Variants in AFAP1L1 observed in about 807,000 individuals in gnomAD.
AFAP1L1 encodes actin filament-associated protein 1-like 1.
In AFAP1L1, 77 loss-of-function variants were observed where a neutral mutation model predicts 99.8. The ratio of observed to expected loss-of-function variants is 0.77; its 90% CI spans 0.64 to 0.93. AFAP1L1 has a LOEUF of 0.93. Among genes scored for constraint, AFAP1L1 ranks in the 40% least tolerant of loss-of-function variants. The pLI, the probability that AFAP1L1 is intolerant of heterozygous loss-of-function variation, is 0.00. For synonymous variants in AFAP1L1, 373 were observed against 395.3 expected (o/e 0.94, Z 0.67); for missense variants, 893 against 996.8 (o/e 0.90, Z 1.40).
In AFAP1L1 at chr5:149,302,538, T is replaced by A; in HGVS notation, c.436+12T>A. On this transcript the variant is annotated intron_variant, in intron 5 of 18. Transcript: ENST00000296721. ...CATCAGCTCCCACAGTAAGTTCTGG[T>A]CCTCTTGGTGGGGCTGGGGACTTCC... 1 of 1,564,586 alleles carries A rather than the reference T, an allele frequency of 6.4e-7. No homozygotes were observed. Among genetic ancestry groups the A allele is most frequent in the Non-Finnish European group, 8.7e-7 (1 of 1,153,384 alleles).
intron 11 of AFAP1L1, 46 bp downstream of exon 11, chr5:149,316,349 G>A (rs779750879): frequency 1.1e-5 from 17 of 1,588,542 alleles, no homozygotes; most frequent in Middle Eastern, 1.9e-4. Context: ...TCCTGTGTGC[G>A]CGGGCTTTGG....
chr5:149,296,234 A>G (rs1756012606), intron 1 of AFAP1L1, among the ~76,000 whole-genome samples: 2 of 152,206 alleles, frequency 1.3e-5, no homozygotes, highest in Non-Finnish European at 2.9e-5. Flanking sequence ...GGATTTCGCC[A>G]TGTTGCCCAG....
chr5:149,324,149 CTG>C lies in AFAP1L1; in HGVS notation c.1810+1433_1810+1434del, dbSNP rs1757029683. Among the ~76,000 whole-genome samples, 3 of 152,232 alleles carry C rather than the reference CTG, an allele frequency of 2.0e-5. No homozygotes were observed. In the South Asian group the frequency reaches 6.2e-4, roughly 32 times the overall value. On this transcript the variant is annotated intron_variant, in intron 15 of 18. Coordinates refer to ENST00000296721, the MANE Select transcript of AFAP1L1 (RefSeq NM_152406.4). ...CAAGGTTGTTTTTTAGATGAAGAAA[CTG>C]AAGAAAATAAAAGGGAAGATATCTT...
intron 1 of AFAP1L1, among the ~76,000 whole-genome samples, chr5:149,294,439 C>A (rs1293799814): frequency 6.6e-6 from 1 of 152,178 alleles, no homozygotes; most frequent in Admixed American, 6.5e-5. Context: ...TGTCATCAGA[C>A]TTCTGTATTC....
At chr5:149,334,049 A>C (rs1164775273) in intron 17 of AFAP1L1, among the ~76,000 whole-genome samples, 1 of 152,258 alleles carries the variant, frequency 6.6e-6, no homozygotes, top group Non-Finnish European at 1.5e-5. Flanking sequence ...TAGTAGGAGT[A>C]TAAGAAATAT....
intron 1 of AFAP1L1, among the ~76,000 whole-genome samples, chr5:149,274,505 CTG>C (rs1561655945): frequency 1.3e-5 from 2 of 152,200 alleles, no homozygotes; most frequent in Non-Finnish European, 2.9e-5. Flanking sequence ...GTTCTCTACT[CTG>C]ATAAATAATT....
At chr5:149,300,174 G>C (rs1756151513) in intron 2 of AFAP1L1, 97 bp from the exon 3 acceptor site, 2 of 777,558 alleles carry the variant, frequency 2.6e-6, no homozygotes, top group East Asian at 5.6e-5. Context: ...TTTGCAAAGT[G>C]AGCACTGTGT....
chr5:149,309,000 A>C (rs1413965962), intron 7 of AFAP1L1, among the ~76,000 whole-genome samples: 6 of 151,888 alleles, frequency 4.0e-5, no homozygotes, highest in Admixed American at 3.9e-4. Context: ...AGTCCCAGCT[A>C]CTTAGGAGTC....
Position 149,335,620 on chromosome 5 carries a change from C to T in AFAP1L1, c.2181C>T (p.Ser727=), listed in dbSNP as rs751946613. Residue 727 remains serine, a synonymous_variant, in exon 18 of 19, where the codon AGC becomes AGT. Transcript: ENST00000296721. Reference sequence around the variant, plus strand: ...AAACTGCAAATAAACCCCAGAACAGCGTTCCAGAGCAACCTCTCCCTGTCA... The same window carrying T: ...AAACTGCAAATAAACCCCAGAACAGTGTTCCAGAGCAACCTCTCCCTGTCA... ...SGETANKPQN[S]VPEQPLPVNC... 2.6e-5 allele frequency: 42 copies of T among 1,612,586 alleles called. No individual in the cohort carries two copies. The highest frequency in any genetic ancestry group is 5.5e-5 in the South Asian group (5 of 91,010).
rs1189209531 is a variant in AFAP1L1, at chr5:149,302,470, A to G, written c.380A>G (p.Tyr127Cys). ...LPNKPPPEDY[Y>C]EEALPLGPGK... ...AACAAGCCTCCCCCTGAGGACTACT[A>G]TGAAGAGGCCCTTCCTCTGGGACCC... Residue 127 changes from tyrosine to cysteine, a missense_variant, in exon 5 of 19, where the codon TAT (tyrosine) becomes TGT (cysteine). Transcript: ENST00000296721. The G allele has an allele frequency of 6.3e-6, 10 of 1,597,432 alleles. No homozygotes were observed. Among genetic ancestry groups the G allele is most frequent in the East Asian group, 2.3e-5 (1 of 44,374 alleles).
chr5:149,334,204 C>T (rs145517827), intron 17 of AFAP1L1, among the ~76,000 whole-genome samples: 3 of 152,304 alleles, frequency 2.0e-5, no homozygotes, highest in African/African-American at 4.8e-5. Flanking sequence ...CCTGGTCACA[C>T]CACACCTGAT....
chr5:149,299,546 C>T lies in AFAP1L1; in HGVS notation c.54C>T (p.Leu18=), dbSNP rs1756121682. ...EQLLPELTGL[L]SLLDHEYLSD... The stretch of plus-strand genomic sequence containing the variant: ...TGCTCCCAGAGCTCACCGGGCTGCT[C>T]AGCCTCCTGGACCACGAGTACCTCA... The change falls in exon 2 of 19, where the codon CTC becomes CTT. Residue 18 remains leucine (L), a synonymous_variant. Coordinates refer to ENST00000296721, the MANE Select transcript of AFAP1L1 (RefSeq NM_152406.4). 3 of 1,614,180 alleles carry T rather than the reference C, an allele frequency of 1.9e-6. No homozygotes were observed. The highest frequency in any genetic ancestry group is 2.5e-6 in the Non-Finnish European group (3 of 1,180,014).
chr5:149,309,870 G>T, intron 7 of AFAP1L1, 86 bp from the exon 8 acceptor site: 1 of 1,575,960 alleles, frequency 6.3e-7, no homozygotes, highest in Non-Finnish European at 8.7e-7. Flanking sequence ...AGGGAGGTCG[G>T]GCTTCCCCCG....
chr5:149,326,545 TAAAAAAA>T (rs59762007), intron 15 of AFAP1L1, among the ~76,000 whole-genome samples: 1 of 129,662 alleles, frequency 7.7e-6, no homozygotes, highest in African/African-American at 3.0e-5. Flanking sequence ...TCGCCAAAAA[TAAAAAAA>T]AAAAAAAAAA....
At position 149,338,460 on chromosome 5, in the gene AFAP1L1, C is replaced by G. The variant is rs529813820; in HGVS notation, c.2284-1547C>G. ...CAGCCTAGATGACACTAAGTGAGAC[C>G]CTGTCTCAAAAAAAGCATGGCTCTA... is the stretch of plus-strand genomic sequence containing the variant. On this transcript the variant is annotated intron_variant, in intron 18 of 18. Coordinates refer to ENST00000296721, the MANE Select transcript of AFAP1L1 (RefSeq NM_152406.4). Among the ~76,000 whole-genome samples the G allele has an allele frequency of 9.9e-5, 15 of 152,180 alleles. No homozygotes were observed. The East Asian group carries it at 2.1e-3, about 22-fold the overall frequency.
chr5:149,337,670 A>G (rs1170694549), intron 18 of AFAP1L1, among the ~76,000 whole-genome samples: 1 of 152,206 alleles, frequency 6.6e-6, no homozygotes, highest in South Asian at 2.1e-4. Flanking sequence ...TTTTCAAGGA[A>G]CTTCCAAGCC....
intron 17 of AFAP1L1, among the ~76,000 whole-genome samples, chr5:149,333,418 C>G (rs1442068370): frequency 6.6e-6 from 1 of 152,228 alleles, no homozygotes; most frequent in African/African-American, 2.4e-5. Context: ...TGGCAAAACC[C>G]TGTCTCTACA....
At chr5:149,329,859 C>G (rs1436906982) in intron 16 of AFAP1L1, 29 bp downstream of exon 16, 2 of 1,560,858 alleles carry the variant, frequency 1.3e-6, no homozygotes, top group South Asian at 1.2e-5. Context: ...TCCTGAGCAC[C>G]TATGGGTGGC....
intron 1 of AFAP1L1, among the ~76,000 whole-genome samples, chr5:149,276,120 C>A (rs1342211032): frequency 6.6e-6 from 1 of 152,200 alleles, no homozygotes; most frequent in Non-Finnish European, 1.5e-5. Context: ...CCTGCCCAAG[C>A]CTTAGAGCAG....
Sources: allele counts gnomAD v4.1 joint callset (sites outside exome capture counted in the v4.1 genomes callset), GRCh38; gene constraint gnomAD v4.1.1; transcripts MANE v1.5; gene names NCBI Gene and HGNC (gene_info 2026-07-23, HGNC 2026-07-21).